MGAM2: variants seen among roughly 807,000 people sequenced by gnomAD.
MGAM2 encodes probable maltase-glucoamylase 2.
In MGAM2, 98 loss-of-function variants were observed where a neutral mutation model predicts 96.1. The ratio of observed to expected loss-of-function variants is 1.02; its 90% CI spans 0.87 to 1.21. The LOEUF (loss-of-function observed/expected upper bound fraction) is 1.21. Among genes scored for constraint, MGAM2 ranks in the 50% most tolerant of loss-of-function variants. The pLI is 0.00. For synonymous variants in MGAM2, 749 were observed against 414.8 expected, an observed-to-expected ratio of 1.81 and a Z score of -9.79; for missense variants, 2,055 against 1,182.4, an observed-to-expected ratio of 1.74 and a Z score of -10.82.
chr7:142,136,395 T>C, intron 7 of MGAM2, 146 bp from the exon 8 acceptor site: 1 of 431,208 alleles, frequency 2.3e-6, no homozygotes, highest in Non-Finnish European at 4.1e-6. Context: ...GTTGATAATA[T>C]CATTACAATG....
intron 14 of MGAM2, among the ~76,000 whole-genome samples, chr7:142,146,400 G>A (rs549932886): frequency 1.3e-5 from 2 of 152,188 alleles, no homozygotes; most frequent in East Asian, 3.9e-4. Context: ...GCAAGAAATA[G>A]AATTTTCTTC....
chr7:142,178,973 C>A (rs1411859221), intron 32 of MGAM2, among the ~76,000 whole-genome samples: 1 of 151,954 alleles, frequency 6.6e-6, no homozygotes, highest in Non-Finnish European at 1.5e-5. Context: ...TTGTAAAGTT[C>A]TTTCACCTGC....
intron 33 of MGAM2, 75 bp from the exon 34 acceptor site, chr7:142,184,999 AGAG>A (rs1796651297): frequency 4.7e-6 from 3 of 640,490 alleles, no homozygotes; most frequent in Non-Finnish European, 8.6e-6. Flanking sequence ...GCCTGTCATC[AGAG>A]TCTAACACAT....
chr7:142,196,063 A>T (rs1797023695), intron 37 of MGAM2, 91 bp from the exon 38 acceptor site: 6 of 706,064 alleles, frequency 8.5e-6, no homozygotes, highest in Non-Finnish European at 1.5e-5. Flanking sequence ...CTCGGACCGA[A>T]GTACCCTCAC....
At chr7:142,193,225 C>G (rs57208065) in intron 37 of MGAM2, among the ~76,000 whole-genome samples, 7,619 of 152,214 alleles carry the variant, frequency 0.05, 550 homozygotes, top group East Asian at 0.17. Flanking sequence ...AGGCTAATCT[C>G]TTAGCACATA....
chr7:142,217,706 T>A (rs59453202), intron 46 of MGAM2, among the ~76,000 whole-genome samples: 31,338 of 152,120 alleles, frequency 0.21, 3,481 homozygotes, highest in Non-Finnish European at 0.24. Flanking sequence ...TTTGCTAACA[T>A]ACTAGGGTGA....
Position 142,197,476 on chromosome 7 carries a change from T to A in MGAM2, c.4709T>A (p.Leu1570His). 1.4e-6 allele frequency: 1 copy of A among 703,100 alleles called. No homozygotes were observed. Among genetic ancestry groups the A allele is most frequent in the Non-Finnish European group, 2.6e-6 (1 of 385,024 alleles). 43.6% of individuals were successfully genotyped at this position (703,100 alleles called of 1,614,324 possible). Reference sequence around the variant, plus strand: ...GTCCTAGAGACCAGATATACCCTGCTTCCTTATCTCTATACTCTGATGCAT... The same window carrying A: ...GTCCTAGAGACCAGATATACCCTGCATCCTTATCTCTATACTCTGATGCAT... ...RKVLETRYTL[L>H]PYLYTLMHKA... The change falls in exon 41 of 48, where the codon CTT (leucine) becomes CAT (histidine). Residue 1570 changes from leucine to histidine, a missense_variant. Transcript: ENST00000477922.
chr7:142,121,009 C>A lies in MGAM2; in HGVS notation c.186+628C>A, dbSNP rs988903930. Among the ~76,000 whole-genome samples the A allele has an allele frequency of 5.3e-5, 8 of 152,002 alleles. 1 individual carries two copies. Among genetic ancestry groups the A allele is most frequent in the Admixed American group, 5.2e-4 (8 of 15,268 alleles). On this transcript the variant is annotated intron_variant, in intron 3 of 47. Transcript: ENST00000477922. ...GTATTTATATATTTAAATTTTATTT[C>A]TTGGCCCCATATTCTAAATTCTATA...
chr7:142,196,653 C>A, intron 39 of MGAM2, 47 bp from the exon 40 acceptor site: 2 of 753,366 alleles, frequency 2.7e-6, no homozygotes, highest in Non-Finnish European at 4.9e-6. Flanking sequence ...AGTGAGTCAG[C>A]GCCTCATGAA....
intron 23 of MGAM2, among the ~76,000 whole-genome samples, chr7:142,162,542 A>G (rs1429425239): frequency 6.6e-6 from 1 of 152,046 alleles, no homozygotes; most frequent in African/African-American, 2.4e-5. Flanking sequence ...TTTTCTTAGA[A>G]GCCTGATCAT....
In MGAM2 at chr7:142,137,489, G is replaced by T. The variant is rs1795094018; in HGVS notation, c.904G>T (p.Asp302Tyr). The change falls in exon 9 of 48, where the codon GAC becomes TAC. Residue 302 changes from aspartate (D) to tyrosine (Y), a missense_variant. Asp to Tyr is a radical substitution (Grantham distance 160). Coordinates refer to ENST00000477922, the MANE Select transcript of MGAM2 (RefSeq NM_001293626.2). ...ITYRTIGGIL[D>Y]FYVFLGNTPE... Reference sequence around the variant, plus strand: ...TTATCGCACGATTGGAGGCATTCTTGACTTTTACGTATTCCTAGGAAACAC... The same window carrying T: ...TTATCGCACGATTGGAGGCATTCTTTACTTTTACGTATTCCTAGGAAACAC... The T allele has an allele frequency of 1.4e-6, 1 of 702,036 alleles. No individual in the cohort carries two copies. Among genetic ancestry groups the T allele is most frequent in the Non-Finnish European group, 2.6e-6 (1 of 384,434 alleles). 43.5% of individuals were successfully genotyped at this position (702,036 alleles called of 1,614,324 possible). A position where few individuals can be genotyped will look rare whatever the true frequency, so the allele number is the denominator to read the frequency against.
chr7:142,150,172 C>A (rs1795530842), intron 15 of MGAM2, among the ~76,000 whole-genome samples: 1 of 151,692 alleles, frequency 6.6e-6, no homozygotes, highest in Non-Finnish European at 1.5e-5. Flanking sequence ...AACTCCCGAC[C>A]TCTGGTGATC....
rs1214052437 is a variant in MGAM2 at position 142,147,544 on chromosome 7, T to C, written c.1605T>C (p.Tyr535=). 1.4e-6 allele frequency: 1 copy of C among 702,942 alleles called. No individual in the cohort carries two copies. Among genetic ancestry groups the C allele is most frequent in the East Asian group, 2.7e-5 (1 of 37,284 alleles). 43.5% of individuals were successfully genotyped at this position (702,942 alleles called of 1,614,324 possible). A position where few individuals can be genotyped will look rare whatever the true frequency, so the allele number is the denominator to read the frequency against. The stretch of plus-strand genomic sequence containing the variant: ...TTCATTATGACATCCACAGCTTGTA[T>C]GGCCACTCCATGGCAAGAACCACAA... ...GGLHYDIHSL[Y]GHSMARTTNL... The change falls in exon 15 of 48, where the codon TAT becomes TAC. Residue 535 remains tyrosine, a synonymous_variant. Coordinates refer to ENST00000477922, the MANE Select transcript of MGAM2 (RefSeq NM_001293626.2).
Position 142,173,345 on chromosome 7 carries a change from G to C in MGAM2, c.3678G>C (p.Gln1226His), listed in dbSNP as rs1414734606. The part of the protein sequence containing the change: ...SSLYDAMVAA[Q>H]IPYDVQHVDI... ...TGTATGATGCAATGGTGGCAGCCCAGATTCCCTATGTATGAAACCCTCACT... is the reference window on the plus strand; with the variant it reads ...TGTATGATGCAATGGTGGCAGCCCACATTCCCTATGTATGAAACCCTCACT... Residue 1226 changes from glutamine to histidine, a missense_variant, in exon 31 of 48, where the codon CAG (glutamine) becomes CAC (histidine). Physicochemically the swap from Gln to His is conservative, Grantham distance 24. Transcript: ENST00000477922. 2.8e-6 allele frequency: 2 copies of C among 702,380 alleles called. No homozygotes were observed. Among genetic ancestry groups the C allele is most frequent in the Non-Finnish European group, 5.2e-6 (2 of 384,594 alleles). 43.5% of individuals were successfully genotyped at this position (702,380 alleles called of 1,614,324 possible).
At position 142,172,722 on chromosome 7, in the gene MGAM2, T is replaced by C; in HGVS notation, c.3519T>C (p.Val1173=). The C allele has an allele frequency of 1.4e-6, 1 of 704,432 alleles. No individual in the cohort carries two copies. The highest frequency in any genetic ancestry group is 1.7e-5 in the African/African-American group (1 of 57,466). The allele number at this position is 704,432 out of a possible 1,614,324, so 43.6% of individuals were successfully genotyped here. ...TTGGILDFYI[V]LGPTPELVTQ... ...GAGGGATTTTGGACTTCTACATTGT[T>C]TTGGGGCCAACCCCTGAACTTGTAA... The change falls in exon 30 of 48, where the codon GTT becomes GTC. Residue 1173 remains valine (V), a synonymous_variant. Coordinates refer to ENST00000477922, the MANE Select transcript of MGAM2 (RefSeq NM_001293626.2).
At chr7:142,155,646 A>C (rs1254136842) in intron 17 of MGAM2, among the ~76,000 whole-genome samples, 2 of 152,130 alleles carry the variant, frequency 1.3e-5, no homozygotes, top group East Asian at 3.9e-4. Flanking sequence ...ATCTAGAGAG[A>C]GATGAACTAT....
intron 32 of MGAM2, among the ~76,000 whole-genome samples, chr7:142,182,736 C>T (rs978876159): frequency 6.6e-6 from 1 of 152,214 alleles, no homozygotes; most frequent in Non-Finnish European, 1.5e-5. Context: ...CGGCACTCAG[C>T]AACTCTATGT....
chr7:142,200,871 T>G (rs1797202285), intron 45 of MGAM2, among the ~76,000 whole-genome samples: 1 of 152,056 alleles, frequency 6.6e-6, no homozygotes, highest in African/African-American at 2.4e-5. Context: ...AAGAAAATGC[T>G]TAATTTTTAA....
At position 142,205,643 on chromosome 7, in the gene MGAM2, C is replaced by T. The variant is rs1432890514; in HGVS notation, c.5138-2930C>T. Among the ~76,000 whole-genome samples, 5 of 152,172 alleles carry T rather than the reference C, an allele frequency of 3.3e-5. No homozygotes were observed. The East Asian group carries it at 9.6e-4, about 29-fold the overall frequency. ...GAAATGATTGCTTATATTCTTTTCA[C>T]ATTGTAAAATTAAAGTGTCCTTATT... is the stretch of plus-strand genomic sequence containing the variant. On this transcript the variant is annotated intron_variant, in intron 45 of 47. Transcript: ENST00000477922.
Sources: gnomAD v4.1 joint callset for allele counts (sites outside exome capture counted in the v4.1 genomes callset) on GRCh38, gnomAD v4.1.1 for gene constraint, MANE v1.5 for transcripts, NCBI Gene and HGNC (gene_info 2026-07-23, HGNC 2026-07-21) for gene names.